Variants in LUZP1 observed in about 807,000 individuals in gnomAD.
LUZP1 encodes the protein leucine zipper protein 1, also known as filamin mechanobinding actin cross-linking protein.
In LUZP1, 25 loss-of-function variants were observed where a neutral mutation model predicts 71.3. That is an observed-to-expected ratio of 0.35 (90% CI 0.26 to 0.49). The LOEUF (loss-of-function observed/expected upper bound fraction) is 0.49, where lower values mean the gene tolerates loss of function less well. Ranked by LOEUF, LUZP1 falls within the 20% of genes least tolerant of loss-of-function variation. The pLI, the probability that LUZP1 is intolerant of heterozygous loss-of-function variation, is 0.99. For missense variants in LUZP1, 1,142 were observed against 1,300.8 expected, an observed-to-expected ratio of 0.88 and a Z score of 1.88; for synonymous variants, 481 against 506.4, an observed-to-expected ratio of 0.95 and a Z score of 0.67.
intron 2 of LUZP1, among the ~76,000 whole-genome samples, chr1:23,147,099 A>AAATAATAATAATAATAATAATAAT (rs371398665): frequency 2.8e-5 from 4 of 144,504 alleles, no homozygotes; most frequent in African/African-American, 1.0e-4. Context: ...TCCGTCTCAA[A>AAATAATAATAATAATAATAATAAT]AATAATAATA....
intron 2 of LUZP1, among the ~76,000 whole-genome samples, chr1:23,137,209 C>T (rs776599764): frequency 8.5e-5 from 13 of 152,270 alleles, no homozygotes; most frequent in South Asian, 4.1e-4. Flanking sequence ...AGAGATCTTA[C>T]GACTCAATAA....
intron 3 of LUZP1, among the ~76,000 whole-genome samples, chr1:23,100,605 A>C (rs746140149): frequency 4.6e-5 from 7 of 152,348 alleles, no homozygotes; most frequent in Non-Finnish European, 7.3e-5. Flanking sequence ...TCCACTCCTC[A>C]GAATGAGATT....
intron 3 of LUZP1, among the ~76,000 whole-genome samples, chr1:23,107,674 C>T (rs1643994387): frequency 1.3e-5 from 2 of 152,240 alleles, no homozygotes; most frequent in South Asian, 2.1e-4. Flanking sequence ...TGGTGGCACA[C>T]ACCTGTAATC....
chr1:23,147,441 C>CAA (rs536334327), intron 2 of LUZP1, among the ~76,000 whole-genome samples: 33 of 124,464 alleles, frequency 2.7e-4, no homozygotes, highest in African/African-American at 5.1e-4. Context: ...GACTCTATCT[C>CAA]AAAAAAAAAA....
chr1:23,090,862 C>A (rs1260145695), intron 4 of LUZP1: 1 of 717,534 alleles, frequency 1.4e-6, no homozygotes, highest in East Asian at 2.7e-5. Flanking sequence ...GCTTTTCATG[C>A]TGTTCTGAGG....
intron 2 of LUZP1, among the ~76,000 whole-genome samples, chr1:23,114,454 T>A (rs1644061691): frequency 6.6e-6 from 1 of 152,148 alleles, no homozygotes; most frequent in South Asian, 2.1e-4. Context: ...GCTAAGGAAG[T>A]GCCAGCAGCT....
chr1:23,148,437 AT>A (rs1644359197), intron 2 of LUZP1, among the ~76,000 whole-genome samples: 1 of 152,162 alleles, frequency 6.6e-6, no homozygotes, highest in South Asian at 2.1e-4. Flanking sequence ...CATCTCGAAA[AT>A]TTGCTTTACT....
At chr1:23,127,638 C>T (rs571469912) in intron 2 of LUZP1, among the ~76,000 whole-genome samples, 1 of 152,258 alleles carries the variant, frequency 6.6e-6, no homozygotes, top group East Asian at 1.9e-4. Flanking sequence ...ATTCTCCTGC[C>T]TCAGCCTCCC....
intron 2 of LUZP1, among the ~76,000 whole-genome samples, chr1:23,124,998 A>G (rs1182000596): frequency 2.0e-5 from 3 of 152,214 alleles, no homozygotes; most frequent in Non-Finnish European, 4.4e-5. Context: ...TTGCCCCATC[A>G]TTTAAGCCAA....
chr1:23,153,910 T>A (rs1397489216), intron 2 of LUZP1, among the ~76,000 whole-genome samples: 2 of 151,458 alleles, frequency 1.3e-5, no homozygotes, highest in East Asian at 3.9e-4. Context: ...TGAGACTCTA[T>A]CACACACACA....
chr1:23,091,962 T>G (rs766832036), exon 4 of LUZP1: 2 of 1,614,168 alleles, frequency 1.2e-6, no homozygotes, highest in Non-Finnish European at 8.5e-7. Context: ...TCCCATGATT[T>G]TTTTCACATC....
intron 2 of LUZP1, among the ~76,000 whole-genome samples, chr1:23,129,298 G>A (rs956343906): frequency 2.0e-5 from 3 of 152,154 alleles, no homozygotes; most frequent in Non-Finnish European, 4.4e-5. Context: ...AGATGGCAAT[G>A]AGGCCAGGCG....
At chr1:23,133,793 A>G (rs1644232931) in intron 2 of LUZP1, 1 of 151,554 alleles carries the variant, frequency 6.6e-6, no homozygotes, top group Admixed American at 6.6e-5. Context: ...ATAAATAAAT[A>G]AATAAATAAA....
intron 2 of LUZP1, among the ~76,000 whole-genome samples, chr1:23,146,881 A>G (rs761937530): frequency 2.0e-5 from 3 of 148,330 alleles, no homozygotes; most frequent in South Asian, 4.3e-4. Flanking sequence ...GCGGATCACG[A>G]GGTCAGGAGC....
rs769591472 is a variant in LUZP1 at position 23,157,789 on chromosome 1, TCAAAACAAAA to T, written c.-226+10967_-226+10976del. The stretch of plus-strand genomic sequence containing the variant: ...ATGAGCCATAGAGGGAGACTCCATC[TCAAAACAAAA>T]CAAAACAAAACAAAACAAAAATAAT... On this transcript the variant is annotated intron_variant, in intron 2 of 4. Transcript: ENST00000302291. Among the ~76,000 whole-genome samples, 210 of 149,290 alleles carry T rather than the reference TCAAAACAAAA, an allele frequency of 1.4e-3. 1 individual carries two copies. The highest frequency in any genetic ancestry group is 3.4e-3 in the Middle Eastern group (1 of 290).
chr1:23,164,487 G>A lies in LUZP1; in HGVS notation c.-226+4279C>T, dbSNP rs184587877. Among the ~76,000 whole-genome samples, 12 of 149,982 alleles carry A rather than the reference G, an allele frequency of 8.0e-5. No individual in the cohort carries two copies. The East Asian group carries it at 1.4e-3, about 17-fold the overall frequency. On this transcript the variant is annotated intron_variant, in intron 2 of 4. Transcript: ENST00000302291. ...AGCCTGGGTGACACAGTGAGACACC[G>A]TCTCAAAAAAAAAAAACACAGTCAC...
Position 23,089,214 on chromosome 1 carries a change from G to A in LUZP1, c.3073-161C>T, listed in dbSNP as rs528497836. Among the ~76,000 whole-genome samples the A allele has an allele frequency of 2.9e-4, 44 of 152,232 alleles. No individual in the cohort carries two copies. The Middle Eastern group carries it at 0.02, about 71-fold the overall frequency. On this transcript the variant is annotated intron_variant, in intron 4 of 4. Coordinates refer to ENST00000302291, the Ensembl canonical transcript of LUZP1. ...CAAAGATATGCTTTTGCCTGAGTAT[G>A]GGCCAATATGTAAATTCCTTGGAAA... is the stretch of plus-strand genomic sequence containing the variant.
chr1:23,130,287 G>C (rs1644204063), intron 2 of LUZP1, among the ~76,000 whole-genome samples: 1 of 152,080 alleles, frequency 6.6e-6, no homozygotes, highest in African/African-American at 2.4e-5. Flanking sequence ...ATATTACTAT[G>C]ATAGATGTAC....
intron 3 of LUZP1, among the ~76,000 whole-genome samples, chr1:23,105,621 T>A (rs1245126709): frequency 6.6e-6 from 1 of 152,238 alleles, no homozygotes; most frequent in Non-Finnish European, 1.5e-5. Context: ...TAAATTATTA[T>A]TTATTATTTT....
Sources: gnomAD v4.1 joint callset for allele counts (sites outside exome capture counted in the v4.1 genomes callset) on GRCh38, gnomAD v4.1.1 for gene constraint, MANE v1.5 for transcripts, NCBI Gene and HGNC (gene_info 2026-07-23, HGNC 2026-07-21) for gene names.